The following NIBAN1 variants were observed in gnomAD, a reference collection of about 807,000 sequenced individuals.
NIBAN1 encodes the protein niban apoptosis regulator 1.
A neutral mutation model predicts 75.1 loss-of-function variants in NIBAN1; 81 were observed. The ratio of observed to expected loss-of-function variants is 1.08; its 90% CI spans 0.90 to 1.30. The LOEUF is 1.30. NIBAN1 is among the 50% of genes most tolerant of loss of function. NIBAN1 has a pLI of 0.00. For synonymous variants in NIBAN1, 436 were observed against 424.8 expected, an observed-to-expected ratio of 1.03 and a Z score of -0.32; for missense variants, 1,133 against 1,128.1, an observed-to-expected ratio of 1.00 and a Z score of -0.06.
intron 1 of NIBAN1, among the ~76,000 whole-genome samples, chr1:184,956,284 T>C (rs1490367153): frequency 6.6e-6 from 1 of 152,164 alleles, no homozygotes; most frequent in African/African-American, 2.4e-5. Flanking sequence ...GCCTTGGGCC[T>C]TCTAAGGTGC....
At chr1:184,944,549 G>A (rs766157599) in intron 1 of NIBAN1, among the ~76,000 whole-genome samples, 1 of 152,278 alleles carries the variant, frequency 6.6e-6, no homozygotes, top group Non-Finnish European at 1.5e-5. Flanking sequence ...ATGCAGGAAT[G>A]GACTTTGGGT....
At chr1:184,931,507 A>G (rs1165587328) in intron 1 of NIBAN1, among the ~76,000 whole-genome samples, 1 of 152,234 alleles carries the variant, frequency 6.6e-6, no homozygotes, top group Admixed American at 6.5e-5. Flanking sequence ...ACATTGAAAC[A>G]AAAAGTTATT....
intron 12 of NIBAN1, among the ~76,000 whole-genome samples, chr1:184,798,578 C>T (rs1034278874): frequency 6.6e-6 from 1 of 152,156 alleles, no homozygotes; most frequent in Non-Finnish European, 1.5e-5. Flanking sequence ...TTTTTCCCCT[C>T]ATCACCAAGA....
chr1:184,861,700 AGAAG>A lies in NIBAN1; in HGVS notation c.601+22929_601+22932del, dbSNP rs563188867. 3.7e-3 allele frequency among the ~76,000 whole-genome samples: 529 copies of A among 142,344 alleles called. 5 individuals are homozygous for A. Among genetic ancestry groups the A allele is most frequent in the African/African-American group, 0.013 (509 of 38,822 alleles). 93.4% of individuals were successfully genotyped at this position (142,344 alleles called of 152,430 possible). A position where few individuals can be genotyped will look rare whatever the true frequency, so the allele number is the denominator to read the frequency against. ...GGGAGGGAAGGAGTGAGGGAAGGAAAGAAGGAAGGAAGGGGAAAAGGAGAGAAGG... is the reference window on the plus strand; with the variant it reads ...GGGAGGGAAGGAGTGAGGGAAGGAAAGAAGGAAGGGGAAAAGGAGAGAAGG... On this transcript the variant is annotated intron_variant, in intron 5 of 13. Coordinates refer to ENST00000367511, the MANE Select transcript of NIBAN1 (RefSeq NM_052966.4).
intron 6 of NIBAN1, among the ~76,000 whole-genome samples, chr1:184,826,627 C>T (rs1654848078): frequency 6.6e-6 from 1 of 152,140 alleles, no homozygotes; most frequent in Non-Finnish European, 1.5e-5. Flanking sequence ...CCCAATTCAT[C>T]CTTTTGCAGA....
intron 1 of NIBAN1, among the ~76,000 whole-genome samples, chr1:184,901,898 A>T (rs1656965707): frequency 6.6e-6 from 1 of 152,202 alleles, no homozygotes; most frequent in Non-Finnish European, 1.5e-5. Context: ...TTAGGTAATT[A>T]ATCTAATAAC....
At chr1:184,861,427 G>A (rs1277624726) in intron 5 of NIBAN1, among the ~76,000 whole-genome samples, 1 of 152,052 alleles carries the variant, frequency 6.6e-6, no homozygotes, top group Non-Finnish European at 1.5e-5. Flanking sequence ...GCACTGGACT[G>A]TCAGCACTTA....
At chr1:184,843,151 G>A (rs1571511688) in intron 5 of NIBAN1, among the ~76,000 whole-genome samples, 1 of 152,182 alleles carries the variant, frequency 6.6e-6, no homozygotes, top group African/African-American at 2.4e-5. Flanking sequence ...TCATGAGGAC[G>A]CCATTCCAAA....
chr1:184,863,050 G>C (rs1016676699), intron 5 of NIBAN1, among the ~76,000 whole-genome samples: 5 of 152,042 alleles, frequency 3.3e-5, no homozygotes, highest in Non-Finnish European at 7.4e-5. Flanking sequence ...GGTTTTATTA[G>C]TTTAACATTA....
At chr1:184,818,505 G>T (rs1654601251) in intron 9 of NIBAN1, 133 bp downstream of exon 9, 3 of 846,752 alleles carry the variant, frequency 3.5e-6, no homozygotes, top group African/African-American at 1.7e-5. Flanking sequence ...AAGGCTGGAT[G>T]AATGGAGGGA....
At chr1:184,963,286 G>T (rs984034198) in intron 1 of NIBAN1, among the ~76,000 whole-genome samples, 1 of 152,056 alleles carries the variant, frequency 6.6e-6, no homozygotes, top group Middle Eastern at 3.4e-3. Flanking sequence ...TAACGAAAAG[G>T]GGGGAGTATC....
In NIBAN1 at chr1:184,838,824, T is replaced by C. The variant is rs140964811; in HGVS notation, c.602-6862A>G. Among the ~76,000 whole-genome samples the C allele has an allele frequency of 2.1e-4, 32 of 152,326 alleles. No individual in the cohort carries two copies. In the East Asian group the frequency reaches 5.4e-3, roughly 26 times the overall value. On this transcript the variant is annotated intron_variant, in intron 5 of 13. Coordinates refer to ENST00000367511, the MANE Select transcript of NIBAN1 (RefSeq NM_052966.4). ...GCTGGGTTTGGAAGCTGCCTTGTTA[T>C]TTTATTTCATCAGTAAACTGTGCCA...
chr1:184,936,030 A>G lies in NIBAN1; in HGVS notation c.56-36721T>C, dbSNP rs113126156. 8.7e-3 allele frequency among the ~76,000 whole-genome samples: 1,321 copies of G among 151,994 alleles called. 16 individuals are homozygous for G. Among genetic ancestry groups the G allele is most frequent in the South Asian group, 0.021 (100 of 4,804 alleles). On this transcript the variant is annotated intron_variant, in intron 1 of 13. Transcript: ENST00000367511. ...TATTTTTGTGATAGATGAAAAAAAA[A>G]AAAAAACAGGGGAAACTAAGCGTCT...
At chr1:184,798,841 T>C (rs1653950646) in intron 12 of NIBAN1, among the ~76,000 whole-genome samples, 1 of 152,096 alleles carries the variant, frequency 6.6e-6, no homozygotes, top group African/African-American at 2.4e-5. Flanking sequence ...TCTTGAACTT[T>C]ATAGAAATGA....
intron 5 of NIBAN1, among the ~76,000 whole-genome samples, chr1:184,864,622 G>C (rs1655900582): frequency 6.6e-6 from 1 of 151,410 alleles, no homozygotes. Flanking sequence ...TCACCAAGGT[G>C]ACTGTAAAAA....
At chr1:184,854,074 G>T (rs1414855882) in intron 5 of NIBAN1, among the ~76,000 whole-genome samples, 9 of 152,070 alleles carry the variant, frequency 5.9e-5, no homozygotes, top group East Asian at 1.9e-4. Flanking sequence ...GAGATATTTT[G>T]CATTCTTTTT....
At chr1:184,967,269 G>A (rs756882761) in intron 1 of NIBAN1, among the ~76,000 whole-genome samples, 4 of 151,408 alleles carry the variant, frequency 2.6e-5, no homozygotes, top group Admixed American at 6.6e-5. Context: ...GTTTTGAACT[G>A]TTGGGAAAGT....
intron 1 of NIBAN1, among the ~76,000 whole-genome samples, chr1:184,901,281 T>C (rs1330369961): frequency 5.3e-5 from 8 of 152,202 alleles, no homozygotes; most frequent in Non-Finnish European, 1.2e-4. Context: ...CCACTAATAA[T>C]AGATTCTGTA....
chr1:184,862,162 C>A (rs1655834729), intron 5 of NIBAN1, among the ~76,000 whole-genome samples: 1 of 152,104 alleles, frequency 6.6e-6, no homozygotes, highest in Admixed American at 6.5e-5. Context: ...CACCTGCAGA[C>A]CTTCCCTTGT....
Sources: gnomAD v4.1 joint callset for allele counts (sites outside exome capture counted in the v4.1 genomes callset) on GRCh38, gnomAD v4.1.1 for gene constraint, MANE v1.5 for transcripts, NCBI Gene and HGNC (gene_info 2026-07-23, HGNC 2026-07-21) for gene names.